Variants in TBCB observed in about 807,000 individuals in gnomAD.
TBCB encodes tubulin folding cofactor B, also known as tubulin-folding cofactor B.
TBCB carries 18 observed loss-of-function variants against 29.2 expected under a neutral mutation model. The ratio of observed to expected loss-of-function variants is 0.62; its 90% CI spans 0.43 to 0.91. TBCB has a LOEUF of 0.91. Among genes scored for constraint, TBCB ranks in the 40% least tolerant of loss-of-function variants. TBCB has a pLI of 0.00. For missense variants in TBCB, 336 were observed against 337.6 expected, an observed-to-expected ratio of 1.00 and a Z score of 0.04; for synonymous variants, 172 against 137.8, an observed-to-expected ratio of 1.25 and a Z score of -1.74.
rs747990069 is a variant in TBCB at position 36,115,683 on chromosome 19, A to G, written c.114+9A>G. On this transcript the variant is annotated intron_variant, in intron 1 of 5. Transcript: ENST00000221855. ...CCATCGCTGAGTTCAAGGTGTGGCCATGGGGGCGGGGTCCGGAGGGGCGGG... is the reference window on the plus strand; with the variant it reads ...CCATCGCTGAGTTCAAGGTGTGGCCGTGGGGGCGGGGTCCGGAGGGGCGGG... 5 of 817,014 alleles carry G rather than the reference A, an allele frequency of 6.1e-6. No individual in the cohort carries two copies. The highest frequency in any genetic ancestry group is 2.9e-5 in the South Asian group (2 of 69,074). The allele number at this position is 817,014 out of a possible 1,614,324, so 50.6% of individuals were successfully genotyped here.
chr19:36,121,676 G>A lies in TBCB; in HGVS notation c.505G>A (p.Ala169Thr), dbSNP rs760002581. ...IPVGSRCEVRAAGQSPRRGTV... is the reference protein window; with the variant it reads ...IPVGSRCEVRTAGQSPRRGTV... ...CGTGGGCAGCCGCTGTGAGGTGCGG[G>A]CGGCGGGACAATCCCCTCGCCGGGG... The change falls in exon 4 of 6, where the codon GCG becomes ACG. Residue 169 changes from alanine to threonine, a missense_variant. Transcript: ENST00000221855. The A allele has an allele frequency of 3.2e-6, 5 of 1,561,374 alleles. No homozygotes were observed. In the Admixed American group the frequency reaches 5.7e-5, roughly 18 times the overall value.
At chr19:36,125,307 G>A in intron 4 of TBCB, 144 bp from the exon 5 acceptor site, 1 of 849,560 alleles carries the variant, frequency 1.2e-6, no homozygotes, top group Non-Finnish European at 1.9e-6. Flanking sequence ...GGTCCTAGTG[G>A]TAGCAATAGA....
intron 2 of TBCB, among the ~76,000 whole-genome samples, chr19:36,120,021 C>T (rs1014826902): frequency 2.3e-4 from 35 of 152,276 alleles, no homozygotes; most frequent in African/African-American, 8.2e-4. Flanking sequence ...TGGCCGTCTG[C>T]ACCTGCCGTT....
In TBCB at chr19:36,125,655, T is replaced by A. The variant is rs1348171437; in HGVS notation, c.621-13T>A. ...GGTCCTCTGACCACACCCACCCCTA[T>A]CCTTTCCTGCAGTGTGAATGGGAAA... On this transcript the variant is annotated splice_polypyrimidine_tract_variant and intron_variant, in intron 5 of 5. Transcript: ENST00000221855. The A allele has an allele frequency of 6.3e-7, 1 of 1,592,442 alleles. No individual in the cohort carries two copies. The highest frequency in any genetic ancestry group is 8.6e-7 in the Non-Finnish European group (1 of 1,166,918).
At chr19:36,125,623 A>T (rs1362268056) in intron 5 of TBCB, 45 bp from the exon 6 acceptor site, 2 of 1,606,382 alleles carry the variant, frequency 1.2e-6, no homozygotes, top group Admixed American at 1.7e-5. Context: ...GAGTGGAGCC[A>T]TGTGAGGGTC....
At chr19:36,118,285 CAA>C (rs1262009484) in intron 2 of TBCB, among the ~76,000 whole-genome samples, 1 of 152,088 alleles carries the variant, frequency 6.6e-6, no homozygotes, top group Admixed American at 6.6e-5. Context: ...TCAGGGGAGA[CAA>C]GGGTTGTGTA....
chr19:36,123,739 G>A (rs1158053199), intron 4 of TBCB, among the ~76,000 whole-genome samples: 1 of 152,168 alleles, frequency 6.6e-6, no homozygotes, highest in Non-Finnish European at 1.5e-5. Flanking sequence ...ACTGGGCGTG[G>A]TGGCGGGTGC....
At chr19:36,118,192 G>A (rs1260907957) in intron 2 of TBCB, among the ~76,000 whole-genome samples, 1 of 152,176 alleles carries the variant, frequency 6.6e-6, no homozygotes, top group African/African-American at 2.4e-5. Flanking sequence ...GTTGTGCCAG[G>A]GGTTTCATTA....
At chr19:36,120,430 T>A (rs966404543) in intron 2 of TBCB, 2 of 458,788 alleles carry the variant, frequency 4.4e-6, no homozygotes, top group Non-Finnish European at 4.0e-6. Context: ...GGTTGGACTC[T>A]GTGACTTTGG....
At chr19:36,120,676 C>A in intron 2 of TBCB, 34 bp from the exon 3 acceptor site, 1 of 1,606,148 alleles carries the variant, frequency 6.2e-7, no homozygotes. Context: ...CCTGGCCAGA[C>A]CCTGATCCCC....
intron 4 of TBCB, among the ~76,000 whole-genome samples, chr19:36,125,131 A>T (rs757697193): frequency 6.6e-6 from 1 of 152,156 alleles, no homozygotes; most frequent in Non-Finnish European, 1.5e-5. Context: ...AGCAGGTTGG[A>T]TTTATTCTGA....
chr19:36,124,521 A>G (rs1002144307), intron 4 of TBCB, among the ~76,000 whole-genome samples: 6 of 151,854 alleles, frequency 4.0e-5, no homozygotes, highest in African/African-American at 1.5e-4. Flanking sequence ...CACTGCGCCC[A>G]TCGGTATGTC....
intron 2 of TBCB, among the ~76,000 whole-genome samples, chr19:36,120,261 GC>G (rs1974022208): frequency 6.6e-6 from 1 of 152,174 alleles, no homozygotes; most frequent in African/African-American, 2.4e-5. Context: ...GCCCAGCTGG[GC>G]CCCTGGGAGC....
intron 4 of TBCB, among the ~76,000 whole-genome samples, chr19:36,123,558 C>T (rs1025479087): frequency 3.3e-5 from 5 of 152,054 alleles, no homozygotes; most frequent in African/African-American, 1.2e-4. Context: ...AGCCACCATG[C>T]TAGGCCTGAA....
intron 2 of TBCB, among the ~76,000 whole-genome samples, chr19:36,117,144 C>T (rs1218101368): frequency 6.6e-6 from 1 of 152,196 alleles, no homozygotes; most frequent in East Asian, 1.9e-4. Flanking sequence ...CTTTCCCCTT[C>T]TTTGCTTTAT....
At chr19:36,120,920 G>A in intron 3 of TBCB, 114 bp downstream of exon 3, 1 of 976,604 alleles carries the variant, frequency 1.0e-6, no homozygotes, top group East Asian at 2.6e-5. Context: ...GTAGACGGGG[G>A]GCCGAGAGCT....
chr19:36,123,069 G>A (rs1160233847), intron 4 of TBCB, among the ~76,000 whole-genome samples: 1 of 152,056 alleles, frequency 6.6e-6, no homozygotes, highest in African/African-American at 2.4e-5. Context: ...TTTTGTAACT[G>A]GCGCCTTCCA....
At position 36,120,692 on chromosome 19, in the gene TBCB, G is replaced by GC. The variant is rs774303696; in HGVS notation, c.259-14dup. On this transcript the variant is annotated splice_polypyrimidine_tract_variant and intron_variant, in intron 2 of 5. Coordinates refer to ENST00000221855, the MANE Select transcript of TBCB (RefSeq NM_001281.3). Reference sequence around the variant, plus strand: ...CTGGCCAGACCCTGATCCCCACGGAGCCCCTCCCCTCACACAGGTCATTGA... The same window carrying GC: ...CTGGCCAGACCCTGATCCCCACGGAGCCCCCTCCCCTCACACAGGTCATTGA... 6.2e-7 allele frequency: 1 copy of GC among 1,613,138 alleles called. No homozygotes were observed. Among genetic ancestry groups the GC allele is most frequent in the Non-Finnish European group, 8.5e-7 (1 of 1,179,294 alleles).
At chr19:36,122,436 C>A (rs767723785) in intron 4 of TBCB, among the ~76,000 whole-genome samples, 24 of 151,514 alleles carry the variant, frequency 1.6e-4, no homozygotes, top group Non-Finnish European at 3.2e-4. Context: ...CAGAGAAAGA[C>A]CCAGTCTCAA....
Sources: allele counts gnomAD v4.1 joint callset (sites outside exome capture counted in the v4.1 genomes callset), GRCh38; gene constraint gnomAD v4.1.1; transcripts MANE v1.5; gene names NCBI Gene and HGNC (gene_info 2026-07-23, HGNC 2026-07-21).